The following DAPK1 variants were observed in gnomAD, a reference collection of about 807,000 sequenced individuals.
DAPK1 encodes the protein death-associated protein kinase 1.
A neutral mutation model predicts 144.9 loss-of-function variants in DAPK1; 56 were observed. The observed-to-expected ratio is 0.39, with a 90% CI of 0.31 to 0.48. The LOEUF is 0.48. Ranked by LOEUF, DAPK1 falls within the 20% of genes least tolerant of loss-of-function variation. The pLI is 0.95. For missense variants in DAPK1, 1,454 were observed against 1,875.4 expected (o/e 0.78, Z 4.15); for synonymous variants, 690 against 749.0 (o/e 0.92, Z 1.29).
intron 2 of DAPK1, among the ~76,000 whole-genome samples, chr9:87,578,234 C>CT (rs1554685788): frequency 3.3e-5 from 5 of 152,106 alleles, no homozygotes; most frequent in Non-Finnish European, 7.3e-5. Context: ...TCTATATGTC[C>CT]TTTTTAATAG....
chr9:87,581,808 C>T (rs895409168), intron 2 of DAPK1, among the ~76,000 whole-genome samples: 4 of 152,210 alleles, frequency 2.6e-5, no homozygotes, highest in Non-Finnish European at 5.9e-5. Flanking sequence ...AACAAACCAG[C>T]AATTCATCTC....
rs771023885 is a variant in DAPK1, at chr9:87,571,476, A to ACACACCCCAAC, written c.63-33478_63-33477insCACACCCCAAC. Among the ~76,000 whole-genome samples, 39 of 48,554 alleles carry ACACACCCCAAC rather than the reference A, an allele frequency of 8.0e-4. 2 individuals carry two copies. The highest frequency in any genetic ancestry group is 1.0e-3 in the African/African-American group (11 of 10,896). 31.9% of individuals were successfully genotyped at this position (48,554 alleles called of 152,430 possible). A position where few individuals can be genotyped will look rare whatever the true frequency, so the allele number is the denominator to read the frequency against. ...ACACACACACACACACACACACACC[A>ACACACCCCAAC]ACACACACACACACACACCCCAACA... On this transcript the variant is annotated intron_variant, in intron 2 of 25. Transcript: ENST00000408954.
intron 3 of DAPK1, among the ~76,000 whole-genome samples, chr9:87,616,179 G>A (rs1345598007): frequency 2.0e-5 from 3 of 152,220 alleles, no homozygotes; most frequent in South Asian, 2.1e-4. Flanking sequence ...TGAAGTTGGG[G>A]GTGGGCAGAA....
At chr9:87,560,772 TCTC>T (rs139280307) in intron 2 of DAPK1, among the ~76,000 whole-genome samples, 7,488 of 151,686 alleles carry the variant, frequency 0.049, 566 homozygotes, top group African/African-American at 0.17. Flanking sequence ...ATCAAGCAAT[TCTC>T]CTACCTCAGC....
At chr9:87,521,586 G>A (rs374112285) in intron 2 of DAPK1, among the ~76,000 whole-genome samples, 3 of 152,322 alleles carry the variant, frequency 2.0e-5, no homozygotes, top group Admixed American at 6.5e-5. Context: ...CCTGCCTTCC[G>A]CTAGGATGTC....
chr9:87,516,537 A>G (rs1231855521), intron 2 of DAPK1, among the ~76,000 whole-genome samples: 2 of 151,626 alleles, frequency 1.3e-5, no homozygotes, highest in African/African-American at 2.4e-5. Flanking sequence ...AAACTGCCTA[A>G]TAGCTGTGAT....
intron 18 of DAPK1, among the ~76,000 whole-genome samples, chr9:87,659,653 G>A (rs555361290): frequency 5.1e-4 from 77 of 152,168 alleles, no homozygotes; most frequent in Admixed American, 1.8e-3. Context: ...TGTATCAGTG[G>A]TCCCCGCCTG....
At chr9:87,687,027 G>GTA (rs1787739603) in intron 21 of DAPK1, 1 of 161,926 alleles carries the variant, frequency 6.2e-6, no homozygotes. Context: ...TATTTATGGG[G>GTA]TACGTGTGAT....
At chr9:87,531,141 C>G (rs537441148) in intron 2 of DAPK1, among the ~76,000 whole-genome samples, 102 of 152,236 alleles carry the variant, frequency 6.7e-4, no homozygotes, top group African/African-American at 2.4e-3. Flanking sequence ...GGATAAAATG[C>G]TCTGATCATT....
At chr9:87,499,823 CAA>C (rs1266124240) in intron 2 of DAPK1, among the ~76,000 whole-genome samples, 1 of 152,164 alleles carries the variant, frequency 6.6e-6, no homozygotes, top group African/African-American at 2.4e-5. Context: ...TCTAGGTAAA[CAA>C]AGAATAGTTT....
At chr9:87,647,071 G>A (rs1830293295) in intron 13 of DAPK1, among the ~76,000 whole-genome samples, 1 of 152,220 alleles carries the variant, frequency 6.6e-6, no homozygotes, top group Non-Finnish European at 1.5e-5. Context: ...TGGAAAAGTG[G>A]TACAGAGAGT....
intron 2 of DAPK1, among the ~76,000 whole-genome samples, chr9:87,575,213 CAAT>C (rs1228665085): frequency 7.6e-6 from 1 of 131,316 alleles, no homozygotes; most frequent in Non-Finnish European, 1.7e-5. Context: ...GACTCCATCT[CAAT>C]AAAATAAAAT....
intron 3 of DAPK1, among the ~76,000 whole-genome samples, chr9:87,611,679 T>C (rs1162060748): frequency 6.6e-6 from 1 of 152,220 alleles, no homozygotes; most frequent in Non-Finnish European, 1.5e-5. Context: ...GGTCTCGACC[T>C]CCTGGGCTTA....
chr9:87,548,914 T>C lies in DAPK1; in HGVS notation c.62+49775T>C, dbSNP rs1259027599. On this transcript the variant is annotated intron_variant, in intron 2 of 25. Transcript: ENST00000408954. ...CCACCCACTGAGTGGATTTCATTCC[T>C]TTTTTTTTTTTTTTTTTTTTTTTTT... Among the ~76,000 whole-genome samples, 4 of 3,132 alleles carry C rather than the reference T, an allele frequency of 1.3e-3. No homozygotes were observed. In the East Asian group the frequency reaches 0.028, roughly 22 times the overall value. 2.1% of individuals were successfully genotyped at this position (3,132 alleles called of 152,430 possible).
At chr9:87,683,896 C>T (rs1824735077) in intron 20 of DAPK1, among the ~76,000 whole-genome samples, 2 of 152,300 alleles carry the variant, frequency 1.3e-5, no homozygotes, top group South Asian at 4.1e-4. Context: ...GTCCTGGTCC[C>T]TGGGCCCCCA....
Position 87,708,111 on chromosome 9 carries a change from G to T in DAPK1, c.*747G>T. 3.5e-6 allele frequency: 1 copy of T among 282,510 alleles called. No individual in the cohort carries two copies. Among genetic ancestry groups the T allele is most frequent in the South Asian group, 3.5e-5 (1 of 28,294 alleles). The allele number at this position is 282,510 out of a possible 1,614,324, so 17.5% of individuals were successfully genotyped here. A position where few individuals can be genotyped will look rare whatever the true frequency, so the allele number is the denominator to read the frequency against. ...CCTCCAGGGTGATTTTATGATCAGT[G>T]TTGTTGCTCTAGGAAGACATTTTTC... On this transcript the variant is annotated 3_prime_UTR_variant, in exon 26 of 26. Coordinates refer to ENST00000408954, the MANE Select transcript of DAPK1 (RefSeq NM_004938.4).
chr9:87,553,095 T>A (rs538619371), intron 2 of DAPK1, among the ~76,000 whole-genome samples: 1 of 152,208 alleles, frequency 6.6e-6, no homozygotes, highest in Non-Finnish European at 1.5e-5. Context: ...TTTCTGTCTC[T>A]GAATTTAAAT....
In DAPK1 at chr9:87,659,850, C is replaced by T. The variant is rs1404090205; in HGVS notation, c.1923+1723C>T. On this transcript the variant is annotated intron_variant, in intron 18 of 25. Coordinates refer to ENST00000408954, the MANE Select transcript of DAPK1 (RefSeq NM_004938.4). The stretch of plus-strand genomic sequence containing the variant: ...GCACCCGCAGTCACTCCGCACACAC[C>T]GGGGGCACAGTGAGAGCGGGGAGTC... Among the ~76,000 whole-genome samples, 7 of 152,276 alleles carry T rather than the reference C, an allele frequency of 4.6e-5. No homozygotes were observed. The East Asian group carries it at 7.7e-4, about 17-fold the overall frequency.
upstream of DAPK1, chr9:87,497,759 A>G: frequency 3.1e-6 from 1 of 318,730 alleles, no homozygotes; most frequent in Non-Finnish European, 5.7e-6. Flanking sequence ...CCGGCCTGGC[A>G]GGGCAGCTCG....
Sources: gnomAD v4.1 joint callset for allele counts (sites outside exome capture counted in the v4.1 genomes callset) on GRCh38, gnomAD v4.1.1 for gene constraint, MANE v1.5 for transcripts, NCBI Gene and HGNC (gene_info 2026-07-23, HGNC 2026-07-21) for gene names.